The following NT5C3A variants were observed in gnomAD, a reference collection of about 807,000 sequenced individuals.
The protein encoded by NT5C3A is cytosolic 5'-nucleotidase 3A.
Under a neutral mutation model 40.0 loss-of-function variants are expected in NT5C3A, and 23 were observed. That is an observed-to-expected ratio of 0.58 (90% CI 0.41 to 0.81). NT5C3A has a LOEUF of 0.81. NT5C3A is among the 40% of genes least tolerant of loss of function. The pLI is 0.00. For synonymous variants in NT5C3A, 130 were observed against 141.4 expected (o/e 0.92, Z 0.57); for missense variants, 328 against 403.0 (o/e 0.81, Z 1.59).
At chr7:33,043,431 A>G (rs1290746372) in intron 1 of NT5C3A, among the ~76,000 whole-genome samples, 1 of 152,248 alleles carries the variant, frequency 6.6e-6, no homozygotes, top group Non-Finnish European at 1.5e-5. Context: ...TCATAGGAGT[A>G]GCACCCATCA....
At chr7:33,061,263 T>A (rs933131880) in intron 1 of NT5C3A, among the ~76,000 whole-genome samples, 4 of 152,232 alleles carry the variant, frequency 2.6e-5, no homozygotes, top group African/African-American at 9.6e-5. Context: ...TTAAAACCAT[T>A]TGCTGCTGTG....
At chr7:33,060,571 T>C (rs756383655) in intron 1 of NT5C3A, among the ~76,000 whole-genome samples, 3 of 152,172 alleles carry the variant, frequency 2.0e-5, no homozygotes, top group Non-Finnish European at 4.4e-5. Context: ...TAAAAACTCT[T>C]GCAAGACAAT....
Position 33,019,623 on chromosome 7 carries a change from C to T in NT5C3A, c.530+12G>A, listed in dbSNP as rs776756604. On this transcript the variant is annotated intron_variant, in intron 6 of 8. Coordinates refer to ENST00000610140, the MANE Select transcript of NT5C3A (RefSeq NM_001002010.5). ...GTGAACAATAACAGCAAAAAACATCCAAGAAACTTACTTGAGCATAACGTC... is the reference window on the plus strand; with the variant it reads ...GTGAACAATAACAGCAAAAAACATCTAAGAAACTTACTTGAGCATAACGTC... The T allele has an allele frequency of 2.6e-6, 4 of 1,516,640 alleles. No individual in the cohort carries two copies. Among genetic ancestry groups the T allele is most frequent in the Non-Finnish European group, 3.7e-6 (4 of 1,093,012 alleles). The allele number at this position is 1,516,640 out of a possible 1,614,324, so 93.9% of individuals were successfully genotyped here. A position where few individuals can be genotyped will look rare whatever the true frequency, so the allele number is the denominator to read the frequency against.
intron 1 of NT5C3A, among the ~76,000 whole-genome samples, chr7:33,039,338 A>G (rs1245470487): frequency 2.6e-5 from 4 of 152,178 alleles, no homozygotes; most frequent in African/African-American, 9.7e-5. Context: ...TCATGAATAT[A>G]GCTTTAAAAA....
Position 33,014,620 on chromosome 7 carries a change from G to A in NT5C3A, c.*110C>T. The A allele has an allele frequency of 6.7e-7, 1 of 1,495,212 alleles. No homozygotes were observed. Among genetic ancestry groups the A allele is most frequent in the Non-Finnish European group, 9.1e-7 (1 of 1,102,482 alleles). 92.6% of individuals were successfully genotyped at this position (1,495,212 alleles called of 1,614,324 possible). A position where few individuals can be genotyped will look rare whatever the true frequency, so the allele number is the denominator to read the frequency against. On this transcript the variant is annotated 3_prime_UTR_variant, in exon 9 of 9. Transcript: ENST00000610140. The stretch of plus-strand genomic sequence containing the variant: ...TCTGAAAATACTTCAGTTATACAAA[G>A]GGAACACTTCGAGAGTAAGGATATA...
At chr7:33,015,116 A>G (rs1785250951) in intron 8 of NT5C3A, among the ~76,000 whole-genome samples, 1 of 151,960 alleles carries the variant, frequency 6.6e-6, no homozygotes, top group Non-Finnish European at 1.5e-5. Context: ...GACATTTTTG[A>G]GTCTCATGGC....
chr7:33,056,776 G>C lies in NT5C3A; in HGVS notation c.138+5792C>G, dbSNP rs920794437. Among the ~76,000 whole-genome samples the C allele has an allele frequency of 2.6e-5, 4 of 152,152 alleles. No homozygotes were observed. In the East Asian group the frequency reaches 7.7e-4, roughly 29 times the overall value. On this transcript the variant is annotated intron_variant, in intron 1 of 8. Transcript: ENST00000610140. Reference sequence around the variant, plus strand: ...AACACAGACTCAATAGTGGGCTTTCGATTCACTCAGTATAATACCCAGAAA... The same window carrying C: ...AACACAGACTCAATAGTGGGCTTTCCATTCACTCAGTATAATACCCAGAAA...
Position 33,022,163 on chromosome 7 carries a change from A to G in NT5C3A, c.308-64T>C, listed in dbSNP as rs1188157377. 5 of 882,726 alleles carry G rather than the reference A, an allele frequency of 5.7e-6. No homozygotes were observed. The East Asian group carries it at 1.2e-4, about 21-fold the overall frequency. 54.7% of individuals were successfully genotyped at this position (882,726 alleles called of 1,614,324 possible). A position where few individuals can be genotyped will look rare whatever the true frequency, so the allele number is the denominator to read the frequency against. ...TCTGATTTATGCTACCACTACTATG[A>G]ATAATTTGCTATAAAGTAATGGCAA... is the stretch of plus-strand genomic sequence containing the variant. On this transcript the variant is annotated intron_variant, in intron 3 of 8. Transcript: ENST00000610140.
intron 1 of NT5C3A, among the ~76,000 whole-genome samples, chr7:33,056,035 A>T (rs1787554962): frequency 6.6e-6 from 1 of 152,200 alleles, no homozygotes; most frequent in Non-Finnish European, 1.5e-5. Context: ...ACTTGAGCTC[A>T]GGAGTTTGAG....
At chr7:33,042,632 G>A (rs1268216875) in intron 1 of NT5C3A, among the ~76,000 whole-genome samples, 1 of 152,182 alleles carries the variant, frequency 6.6e-6, no homozygotes, top group Non-Finnish European at 1.5e-5. Context: ...TTTGAAAGAT[G>A]ATTCACAGAT....
chr7:33,042,461 C>A (rs1307357907), intron 1 of NT5C3A, among the ~76,000 whole-genome samples: 1 of 152,160 alleles, frequency 6.6e-6, no homozygotes, highest in Non-Finnish European at 1.5e-5. Context: ...ATGAAACACT[C>A]CTCTAAGAGG....
At chr7:33,026,680 G>T (rs1290196331) in intron 2 of NT5C3A, 137 bp downstream of exon 2, 2 of 610,958 alleles carry the variant, frequency 3.3e-6, no homozygotes, top group African/African-American at 3.8e-5. Flanking sequence ...TTTAAATAGA[G>T]ATGGGGTCTC....
chr7:33,047,992 GTGTA>G (rs971099564), intron 1 of NT5C3A, among the ~76,000 whole-genome samples: 13 of 99,964 alleles, frequency 1.3e-4, no homozygotes, highest in African/African-American at 5.0e-4. Flanking sequence ...GCTTTTATAT[GTGTA>G]TGTGTGTGTG....
intron 1 of NT5C3A, among the ~76,000 whole-genome samples, chr7:33,049,869 C>A (rs921684385): frequency 6.7e-6 from 1 of 148,476 alleles, no homozygotes. Flanking sequence ...ATTTGGGAGG[C>A]TGAGGCGAGA....
rs772398715 is a variant in NT5C3A at position 33,017,573 on chromosome 7, G to A, written c.559C>T (p.Leu187Phe). 3 of 1,613,676 alleles carry A rather than the reference G, an allele frequency of 1.9e-6. No homozygotes were observed. Among genetic ancestry groups the A allele is most frequent in the Admixed American group, 1.7e-5 (1 of 60,002 alleles). ...KEGYENFFDKLQQHSIPVFIF... is the reference protein window; with the variant it reads ...KEGYENFFDKFQQHSIPVFIF... ...AACACGGGGATGCTATGTTGTTGGA[G>A]CTTATCAAAGAAATTCTCATATCCT... is the stretch of plus-strand genomic sequence containing the variant. The change falls in exon 7 of 9, where the codon CTC (leucine) becomes TTC (phenylalanine). Residue 187 changes from leucine (L) to phenylalanine (F), a missense_variant. Leu to Phe is a conservative substitution (Grantham distance 22). Coordinates refer to ENST00000610140, the MANE Select transcript of NT5C3A (RefSeq NM_001002010.5).
At chr7:33,041,986 G>A (rs377039061) in intron 1 of NT5C3A, among the ~76,000 whole-genome samples, 4 of 152,026 alleles carry the variant, frequency 2.6e-5, no homozygotes, top group East Asian at 1.9e-4. Flanking sequence ...GTGAAGTATC[G>A]TTCTCTATTA....
intron 1 of NT5C3A, among the ~76,000 whole-genome samples, chr7:33,049,707 C>T (rs1787286890): frequency 6.6e-6 from 1 of 151,968 alleles, no homozygotes; most frequent in African/African-American, 2.4e-5. Context: ...CAGTGGCTCA[C>T]GGCTGTAATC....
intron 1 of NT5C3A, among the ~76,000 whole-genome samples, chr7:33,027,507 C>T (rs1034643951): frequency 3.3e-5 from 5 of 152,106 alleles, no homozygotes; most frequent in Admixed American, 2.0e-4. Flanking sequence ...AAAAGCAATG[C>T]ACGCTTACCA....
intron 1 of NT5C3A, chr7:33,035,989 C>A: frequency 6.2e-7 from 1 of 1,612,560 alleles, no homozygotes; most frequent in South Asian, 1.1e-5. Context: ...ATCCAATCTT[C>A]TGGATTTTCC....
Sources: allele counts gnomAD v4.1 joint callset (sites outside exome capture counted in the v4.1 genomes callset), GRCh38; gene constraint gnomAD v4.1.1; transcripts MANE v1.5; gene names NCBI Gene and HGNC (gene_info 2026-07-23, HGNC 2026-07-21).